AHDC1: variants seen among roughly 807,000 people sequenced by gnomAD.
AHDC1 encodes the protein AT-hook DNA binding motif containing 1, also known as transcription factor Gibbin.
AHDC1 carries 7 observed loss-of-function variants against 87.9 expected under a neutral mutation model. The observed-to-expected ratio is 0.08, with a 90% CI of 0.05 to 0.15. The LOEUF (loss-of-function observed/expected upper bound fraction) is 0.15. Ranked by LOEUF, AHDC1 falls within the 10% of genes least tolerant of loss-of-function variation. The probability of loss-of-function intolerance (pLI) is 1.00; values close to 1 mark genes in which losing one functional copy is unlikely to be tolerated. For synonymous variants in AHDC1, 1,051 were observed against 1,006.8 expected (o/e 1.04, Z -0.83); for missense variants, 1,841 against 2,253.2 (o/e 0.82, Z 3.70).
intron 8 of AHDC1, among the ~76,000 whole-genome samples, chr1:27,536,280 A>G (rs742464): frequency 0.028 from 4,250 of 152,304 alleles, 192 homozygotes; most frequent in African/African-American, 0.096. Flanking sequence ...GACTCCCCCA[A>G]GGTCCAGGGG....
intron 3 of AHDC1, among the ~76,000 whole-genome samples, chr1:27,582,319 T>G (rs978972099): frequency 1.3e-5 from 2 of 152,242 alleles, no homozygotes; most frequent in Non-Finnish European, 1.5e-5. Context: ...TCTATAAAAT[T>G]GGGATGGCAA....
chr1:27,573,147 AC>A (rs2088596634), intron 3 of AHDC1, among the ~76,000 whole-genome samples: 1 of 151,794 alleles, frequency 6.6e-6, no homozygotes. Context: ...GGGTGGGGAT[AC>A]CTTGACAGGA....
chr1:27,573,114 G>A (rs1324128706), intron 3 of AHDC1, among the ~76,000 whole-genome samples: 1 of 152,154 alleles, frequency 6.6e-6, no homozygotes, highest in Non-Finnish European at 1.5e-5. Context: ...CAGGAAGGGA[G>A]GCACTCCAGC....
At chr1:27,585,253 CAA>C (rs35143338) in intron 3 of AHDC1, among the ~76,000 whole-genome samples, 14 of 66,326 alleles carry the variant, frequency 2.1e-4, no homozygotes, top group Middle Eastern at 8.1e-3. Context: ...GACCCTGTCT[CAA>C]AAAAAAAAAA....
rs1224381344 is a variant in AHDC1 at position 27,562,704 on chromosome 1, TG to T, written c.-628-3822del. Among the ~76,000 whole-genome samples, 1 of 152,176 alleles carries T rather than the reference TG, an allele frequency of 6.6e-6. No homozygotes were observed. The highest frequency in any genetic ancestry group is 2.4e-5 in the African/African-American group (1 of 41,430). ...TAAGCATTTCCTCTGGCCAGCCCTTTGGGGCTCTGTGGTCTGCATGGGAAGG... is the reference window on the plus strand; with the variant it reads ...TAAGCATTTCCTCTGGCCAGCCCTTTGGGCTCTGTGGTCTGCATGGGAAGG... On this transcript the variant is annotated intron_variant, in intron 3 of 8. Transcript: ENST00000673934. The surrounding 1 kb of genome is among the most constrained non-coding windows in gnomAD (Gnocchi z 4.4).
intron 3 of AHDC1, among the ~76,000 whole-genome samples, chr1:27,581,120 C>T (rs1456366175): frequency 6.6e-6 from 1 of 152,024 alleles, no homozygotes; most frequent in East Asian, 1.9e-4. Flanking sequence ...CAGGTGTAAG[C>T]CACCACGTCC....
chr1:27,579,993 C>T (rs1458068919), intron 3 of AHDC1, among the ~76,000 whole-genome samples: 1 of 152,172 alleles, frequency 6.6e-6, no homozygotes, highest in East Asian at 1.9e-4. Context: ...TTCCCTGGTG[C>T]TTGGGTTCCA....
intron 5 of AHDC1, among the ~76,000 whole-genome samples, chr1:27,556,979 A>G (rs1363264922): frequency 3.2e-5 from 2 of 62,798 alleles, no homozygotes; most frequent in South Asian, 5.1e-4. Context: ...CCCTGGGGCC[A>G]TCAGGGCCCC....
intron 3 of AHDC1, chr1:27,568,060 G>C (rs1227317687): frequency 1.3e-5 from 2 of 152,314 alleles, no homozygotes; most frequent in African/African-American, 4.8e-5. Context: ...TGCAGTGGTG[G>C]CTATTCTGAG....
At chr1:27,564,456 G>A (rs1195513627) in intron 3 of AHDC1, among the ~76,000 whole-genome samples, 1 of 152,244 alleles carries the variant, frequency 6.6e-6, no homozygotes, top group Non-Finnish European at 1.5e-5. Flanking sequence ...AGGGACAAGA[G>A]TGCCAGCCTC....
At chr1:27,568,823 G>T (rs576268015) in intron 3 of AHDC1, among the ~76,000 whole-genome samples, 82 of 151,998 alleles carry the variant, frequency 5.4e-4, no homozygotes, top group Admixed American at 7.2e-4. Context: ...GGAAACAGGG[G>T]ATCCCCCAGA....
intron 3 of AHDC1, among the ~76,000 whole-genome samples, chr1:27,574,294 G>A (rs2088635424): frequency 6.6e-6 from 1 of 152,216 alleles, no homozygotes; most frequent in African/African-American, 2.4e-5. Flanking sequence ...CACAGGCTTG[G>A]TGCAGGGGAA....
rs1363728714 is a variant in AHDC1 at position 27,534,639 on chromosome 1, G to GCTCTCTCGCTCTCTCT, written c.*305_*320dup. 2 of 151,540 alleles carry GCTCTCTCGCTCTCTCT rather than the reference G, an allele frequency of 1.3e-5. No homozygotes were observed. Among genetic ancestry groups the GCTCTCTCGCTCTCTCT allele is most frequent in the African/African-American group, 4.9e-5 (2 of 41,116 alleles). The allele number at this position is 151,540 out of a possible 1,614,324, so 9.4% of individuals were successfully genotyped here. A position where few individuals can be genotyped will look rare whatever the true frequency, so the allele number is the denominator to read the frequency against. ...CGCTCGCAACCTCTTGCACACGCTC[G>GCTCTCTCGCTCTCTCT]CTCTCTCGCTCTCTCTCTCTCTTTT... On this transcript the variant is annotated 3_prime_UTR_variant, in exon 9 of 9. Coordinates refer to ENST00000673934, the MANE Select transcript of AHDC1 (RefSeq NM_001371928.1).
intron 3 of AHDC1, among the ~76,000 whole-genome samples, chr1:27,599,670 A>C (rs1269661018): frequency 6.6e-6 from 1 of 152,058 alleles, no homozygotes; most frequent in Non-Finnish European, 1.5e-5. Flanking sequence ...CTGGGACCCT[A>C]ATGTTTCCCG....
Position 27,550,789 on chromosome 1 carries a change from G to A in AHDC1, c.1327C>T (p.Pro443Ser). ...AACTCTGGGACTGAGACCGGGCCTG[G>A]GCCTGGCAGGGCAGGGGGTGGAGGA... ...PPPPPPALPG[P>S]GPVSVPELKP... The change falls in exon 8 of 9, where the codon CCA (proline) becomes TCA (serine). Residue 443 changes from proline to serine, a missense_variant. Physicochemically the swap from Pro to Ser is moderately conservative, Grantham distance 74 (BLOSUM62 -1). Coordinates refer to ENST00000673934, the MANE Select transcript of AHDC1 (RefSeq NM_001371928.1). The A allele has an allele frequency of 1.3e-6, 2 of 1,567,542 alleles. No individual in the cohort carries two copies. Among genetic ancestry groups the A allele is most frequent in the South Asian group, 1.2e-5 (1 of 86,414 alleles).
chr1:27,545,242 C>A (rs2019112271), intron 8 of AHDC1, among the ~76,000 whole-genome samples: 1 of 152,126 alleles, frequency 6.6e-6, no homozygotes, highest in South Asian at 2.1e-4. Context: ...GGGAAGCCCC[C>A]TGAGGACCAG....
chr1:27,585,273 A>AG (rs1170847685), intron 3 of AHDC1, among the ~76,000 whole-genome samples: 1 of 151,432 alleles, frequency 6.6e-6, no homozygotes, highest in East Asian at 1.9e-4. Flanking sequence ...AAAAAAAAAA[A>AG]AAGAAGGAAC....
chr1:27,541,445 C>T (rs1308561926), intron 8 of AHDC1, among the ~76,000 whole-genome samples: 2 of 150,934 alleles, frequency 1.3e-5, no homozygotes, highest in African/African-American at 4.9e-5. Context: ...CAGCCTCCCA[C>T]GTAGCTGGGA....
Position 27,551,524 on chromosome 1 carries a change from A to G in AHDC1, c.592T>C (p.Tyr198His). ...AKSERPSHPLYEPEPEPRDSP... is the reference protein window; with the variant it reads ...AKSERPSHPLHEPEPEPRDSP... ...TCCCTAGGCTCAGGCTCAGGCTCGT[A>G]GAGGGGATGGCTGGGCCGCTCCGAC... Residue 198 changes from tyrosine (Y) to histidine (H), a missense_variant, in exon 8 of 9, where the codon TAC becomes CAC. Physicochemically the swap from Tyr to His is moderately conservative, Grantham distance 83. Coordinates refer to ENST00000673934, the MANE Select transcript of AHDC1 (RefSeq NM_001371928.1). 1 of 1,604,912 alleles carries G rather than the reference A, an allele frequency of 6.2e-7. No individual in the cohort carries two copies. Among genetic ancestry groups the G allele is most frequent in the Non-Finnish European group, 8.5e-7 (1 of 1,175,048 alleles).
Sources: allele counts gnomAD v4.1 joint callset (sites outside exome capture counted in the v4.1 genomes callset), GRCh38; gene constraint gnomAD v4.1.1; non-coding constraint Gnocchi (gnomAD v3.1); transcripts MANE v1.5; gene names NCBI Gene and HGNC (gene_info 2026-07-23, HGNC 2026-07-21).